Variants in CCDC12 observed in about 807,000 individuals in gnomAD.
CCDC12 encodes coiled-coil domain containing 12.
CCDC12 carries 28 observed loss-of-function variants against 25.7 expected under a neutral mutation model. That is an observed-to-expected ratio of 1.09 (90% CI 0.81 to 1.50). The LOEUF (loss-of-function observed/expected upper bound fraction) is 1.50. Ranked by LOEUF, CCDC12 falls within the 40% of genes most tolerant of loss-of-function variation. CCDC12 has a pLI of 0.00. For missense variants in CCDC12, 198 were observed against 210.0 expected, an observed-to-expected ratio of 0.94 and a Z score of 0.35; for synonymous variants, 75 against 87.7, an observed-to-expected ratio of 0.86 and a Z score of 0.81.
chr3:46,950,597 C>T (rs865863886), intron 1 of CCDC12, among the ~76,000 whole-genome samples: 1 of 152,140 alleles, frequency 6.6e-6, no homozygotes, highest in Middle Eastern at 3.4e-3. Flanking sequence ...GGATTATAGG[C>T]ATGAGCCACA....
chr3:46,951,798 A>AAAAAAATATATATAT, intron 1 of CCDC12, among the ~76,000 whole-genome samples: 7 of 8,460 alleles, frequency 8.3e-4, no homozygotes, highest in African/African-American at 1.7e-3. Flanking sequence ...AAAAAAAAAA[A>AAAAAAATATATATAT]ATATATATAT....
intron 1 of CCDC12, among the ~76,000 whole-genome samples, chr3:46,948,805 C>G (rs1465220986): frequency 6.6e-6 from 1 of 152,250 alleles, no homozygotes; most frequent in Non-Finnish European, 1.5e-5. Flanking sequence ...ATGTGTCTGT[C>G]AGGAGTGTGG....
chr3:46,934,055 G>A (rs1413730520), intron 2 of CCDC12, among the ~76,000 whole-genome samples: 1 of 152,152 alleles, frequency 6.6e-6, no homozygotes, highest in East Asian at 1.9e-4. Context: ...AAAGTGCTGG[G>A]ATTACAGGCG....
chr3:46,976,841 G>A (rs1188498539), upstream of CCDC12: 4 of 1,509,436 alleles, frequency 2.7e-6, no homozygotes, highest in Admixed American at 8.3e-5. Context: ...AGACTGGGAG[G>A]TCCTGAAAGC....
At chr3:46,938,214 C>T (rs1217778049) in intron 2 of CCDC12, among the ~76,000 whole-genome samples, 1 of 152,180 alleles carries the variant, frequency 6.6e-6, no homozygotes, top group African/African-American at 2.4e-5. Flanking sequence ...AAACAGGGCC[C>T]TGCACCTGCC....
rs143086224 is a variant in CCDC12 at position 46,971,856 on chromosome 3, T to C, written c.96+4781A>G. Among the ~76,000 whole-genome samples, 11 of 152,266 alleles carry C rather than the reference T, an allele frequency of 7.2e-5. 1 individual carries two copies. In the East Asian group the frequency reaches 1.7e-3, roughly 24 times the overall value. Reference sequence around the variant, plus strand: ...AGAAGGTGCTCAATCCTGGTGTCTGTTGTCACATCAGAAACCTGAACTAAA... The same window carrying C: ...AGAAGGTGCTCAATCCTGGTGTCTGCTGTCACATCAGAAACCTGAACTAAA... On this transcript the variant is annotated intron_variant, in intron 1 of 6. Coordinates refer to ENST00000683445, the MANE Select transcript of CCDC12 (RefSeq NM_001277074.2).
chr3:46,923,226 C>T, intron 5 of CCDC12, 103 bp downstream of exon 5: 8 of 1,168,194 alleles, frequency 6.8e-6, no homozygotes, highest in Non-Finnish European at 9.1e-6. Context: ...TCTGTACTGC[C>T]AGTCTCTGCA....
chr3:46,964,238 A>G (rs1342320969), intron 1 of CCDC12, among the ~76,000 whole-genome samples: 1 of 149,400 alleles, frequency 6.7e-6, no homozygotes, highest in East Asian at 2.0e-4. Context: ...CCGTCTGAGA[A>G]GTGAGGAGCC....
At chr3:46,962,434 CAAAAAAAAAAAA>C in intron 1 of CCDC12, among the ~76,000 whole-genome samples, 1 of 63,182 alleles carries the variant, frequency 1.6e-5, no homozygotes, top group East Asian at 5.1e-4. Flanking sequence ...AACTCTATCT[CAAAAAAAAAAAA>C]AAAAAAAAAA....
At chr3:46,927,159 C>T (rs537128328) in intron 2 of CCDC12, among the ~76,000 whole-genome samples, 1 of 152,306 alleles carries the variant, frequency 6.6e-6, no homozygotes, top group South Asian at 2.1e-4. Context: ...ACCAGCATAG[C>T]CTGTGTGGAG....
chr3:46,936,814 C>G lies in CCDC12; in HGVS notation c.164+4184G>C, dbSNP rs542152700. Among the ~76,000 whole-genome samples, 3 of 152,304 alleles carry G rather than the reference C, an allele frequency of 2.0e-5. No homozygotes were observed. In the South Asian group the frequency reaches 6.2e-4, roughly 32 times the overall value. On this transcript the variant is annotated intron_variant, in intron 2 of 6. Transcript: ENST00000683445. The stretch of plus-strand genomic sequence containing the variant: ...GGACACTGAGTGACCTGGAGAGTAA[C>G]TGAGGCAGATGGACCCTGCTCTCTG...
At chr3:46,940,966 G>A (rs748685991) in intron 2 of CCDC12, 32 bp downstream of exon 2, 9 of 1,607,660 alleles carry the variant, frequency 5.6e-6, no homozygotes, top group Non-Finnish European at 7.7e-6. Context: ...CTGGAGGAGA[G>A]AGCAGACCCT....
intron 1 of CCDC12, chr3:46,981,855 A>G (rs1217001552): frequency 1.3e-5 from 2 of 152,296 alleles, no homozygotes; most frequent in East Asian, 1.9e-4. Context: ...AGCTCTGTAC[A>G]TGGCCACCCC....
rs2034530854 is a variant in CCDC12, at chr3:46,963,520, G to A, written c.96+13117C>T. On this transcript the variant is annotated intron_variant, in intron 1 of 6. Transcript: ENST00000683445. ...TCTGATGCCCAGCCGAAGCTGGACT[G>A]TACTGCTGCCATCTCGGCTCACTGC... is the stretch of plus-strand genomic sequence containing the variant. Among the ~76,000 whole-genome samples the A allele has an allele frequency of 2.0e-5, 3 of 152,284 alleles. 1 individual carries two copies. In the South Asian group the frequency reaches 6.2e-4, roughly 32 times the overall value.
chr3:46,953,391 T>C (rs2034188495), intron 1 of CCDC12, among the ~76,000 whole-genome samples: 1 of 152,096 alleles, frequency 6.6e-6, no homozygotes, highest in Non-Finnish European at 1.5e-5. Context: ...ATACCATACA[T>C]ACAAATGGCC....
chr3:46,925,400 G>A (rs2032904597), intron 3 of CCDC12, 56 bp downstream of exon 3: 2 of 1,443,352 alleles, frequency 1.4e-6, no homozygotes, highest in Non-Finnish European at 1.9e-6. Flanking sequence ...GCCTGCTGAG[G>A]TGGAGGGTGG....
chr3:46,928,069 C>CTA, intron 2 of CCDC12, among the ~76,000 whole-genome samples: 1 of 151,978 alleles, frequency 6.6e-6, no homozygotes. Flanking sequence ...GCCAACAGGG[C>CTA]GAAACCCGGT....
intron 2 of CCDC12, among the ~76,000 whole-genome samples, chr3:46,930,630 GC>G (rs2033167338): frequency 1.3e-5 from 2 of 152,300 alleles, no homozygotes; most frequent in South Asian, 4.1e-4. Context: ...GCCTCCACTG[GC>G]CCTCCCTCTG....
chr3:46,946,401 C>T (rs2033909021), intron 1 of CCDC12, among the ~76,000 whole-genome samples: 2 of 152,318 alleles, frequency 1.3e-5, no homozygotes, highest in East Asian at 1.9e-4. Context: ...GGAAGTAATG[C>T]TTAAACTCAA....
Sources: allele counts gnomAD v4.1 joint callset (sites outside exome capture counted in the v4.1 genomes callset), GRCh38; gene constraint gnomAD v4.1.1; transcripts MANE v1.5; gene names NCBI Gene and HGNC (gene_info 2026-07-23, HGNC 2026-07-21).